The following LINS1 variants were observed in gnomAD, a reference collection of about 807,000 sequenced individuals.
LINS1 encodes the protein protein Lines homolog 1.
A neutral mutation model predicts 41.6 loss-of-function variants in LINS1; 27 were observed. The observed-to-expected ratio is 0.65, with a 90% CI of 0.48 to 0.89. The LOEUF (loss-of-function observed/expected upper bound fraction) is 0.89, where lower values mean the gene tolerates loss of function less well. Among genes scored for constraint, LINS1 ranks in the 40% least tolerant of loss-of-function variants. The pLI, the probability that LINS1 is intolerant of heterozygous loss-of-function variation, is 0.00. For missense variants in LINS1, 955 were observed against 884.1 expected (o/e 1.08, Z -1.02); for synonymous variants, 336 against 312.9 (o/e 1.07, Z -0.78).
intron 1 of LINS1, among the ~76,000 whole-genome samples, chr15:100,593,495 C>T (rs1005468054): frequency 6.9e-6 from 1 of 144,536 alleles, no homozygotes; most frequent in Non-Finnish European, 1.5e-5. Flanking sequence ...GAATACGAAT[C>T]GTTAAACTTT....
At chr15:100,596,662 G>A (rs1193515449) in intron 1 of LINS1, among the ~76,000 whole-genome samples, 3 of 152,124 alleles carry the variant, frequency 2.0e-5, no homozygotes, top group East Asian at 1.9e-4. Flanking sequence ...AACAAAAAGC[G>A]GCCTGAAAAA....
Position 100,580,458 on chromosome 15 carries a change from C to G in LINS1, c.385G>C (p.Val129Leu). Residue 129 changes from valine to leucine, a missense_variant, in exon 2 of 7, where the codon GTC becomes CTC. Physicochemically the swap from Val to Leu is conservative, Grantham distance 32 (BLOSUM62 1). Transcript: ENST00000314742. Reference sequence around the variant, plus strand: ...AAATGGCTTACTAATTTAGAATCGACTTTGGCTGATTCTAAGAGAATTTTA... The same window carrying G: ...AAATGGCTTACTAATTTAGAATCGAGTTTGGCTGATTCTAAGAGAATTTTA... The part of the protein sequence containing the change: ...VIKILLESAK[V>L]DSKLICMFQN... 1 of 1,613,942 alleles carries G rather than the reference C, an allele frequency of 6.2e-7. No homozygotes were observed. The highest frequency in any genetic ancestry group is 8.5e-7 in the Non-Finnish European group (1 of 1,179,906).
intron 1 of LINS1, among the ~76,000 whole-genome samples, chr15:100,599,490 C>T (rs1006877701): frequency 1.8e-4 from 28 of 152,256 alleles, no homozygotes; most frequent in African/African-American, 6.3e-4. Flanking sequence ...GCCAGAAATA[C>T]AAAGAACTAG....
chr15:100,575,176 T>C, intron 3 of LINS1, 48 bp from the exon 4 acceptor site: 1 of 1,504,026 alleles, frequency 6.6e-7, no homozygotes, highest in Non-Finnish European at 9.2e-7. Context: ...ATATTTTCTT[T>C]ACATAATACA....
chr15:100,590,349 A>G (rs1199738732), intron 1 of LINS1, among the ~76,000 whole-genome samples: 1 of 152,248 alleles, frequency 6.6e-6, no homozygotes, highest in Non-Finnish European at 1.5e-5. Flanking sequence ...TAAAAGATGA[A>G]GGTCCAATGC....
At position 100,569,963 on chromosome 15, in the gene LINS1, C is replaced by G; in HGVS notation, c.1549G>C (p.Glu517Gln). Residue 517 changes from glutamate to glutamine, a missense_variant, in exon 7 of 7, where the codon GAA becomes CAA. Transcript: ENST00000314742. ...ACAAAATATTCAAGAAAACAGGTTT[C>G]TGATGAAATCAAAAAGTCAAGAAGA... The part of the protein sequence containing the change: ...TVLLDFLISS[E>Q]TCFLEYFVRY... 1 of 1,577,378 alleles carries G rather than the reference C, an allele frequency of 6.3e-7. No individual in the cohort carries two copies. The highest frequency in any genetic ancestry group is 1.2e-5 in the South Asian group (1 of 85,382).
chr15:100,595,504 A>G (rs2039206346), intron 1 of LINS1, among the ~76,000 whole-genome samples: 1 of 152,210 alleles, frequency 6.6e-6, no homozygotes. Flanking sequence ...AGAGCTAAAA[A>G]TGACTCCAAA....
intron 6 of LINS1, chr15:100,570,372 T>C (rs1450536678): frequency 8.1e-6 from 3 of 368,726 alleles, no homozygotes; most frequent in African/African-American, 2.1e-5. Context: ...TGTTGTTCTT[T>C]CTCTCGACAT....
rs554830135 is a variant in LINS1 at position 100,588,478 on chromosome 15, C to T, written c.-103-7533G>A. Among the ~76,000 whole-genome samples, 624 of 152,242 alleles carry T rather than the reference C, an allele frequency of 4.1e-3. 6 individuals carry two copies. The highest frequency in any genetic ancestry group is 0.014 in the African/African-American group (574 of 41,540). ...AAAGTGTAATGCCTTTCATTTAGTT[C>T]ATGTGACTTAAGTAATCTGAGAAAT... On this transcript the variant is annotated intron_variant, in intron 1 of 6. Coordinates refer to ENST00000314742, the MANE Select transcript of LINS1 (RefSeq NM_001040616.3).
intron 1 of LINS1, among the ~76,000 whole-genome samples, chr15:100,584,850 G>A (rs2038729707): frequency 6.6e-6 from 1 of 152,196 alleles, no homozygotes; most frequent in African/African-American, 2.4e-5. Flanking sequence ...CTGATCAACT[G>A]GCTCTAAATT....
intron 1 of LINS1, among the ~76,000 whole-genome samples, chr15:100,590,947 G>T (rs897778237): frequency 1.3e-5 from 2 of 152,188 alleles, no homozygotes; most frequent in Non-Finnish European, 2.9e-5. Flanking sequence ...GGGAGGCCGA[G>T]GCGGGCAGAT....
At chr15:100,590,426 C>T (rs1252819669) in intron 1 of LINS1, among the ~76,000 whole-genome samples, 6 of 152,032 alleles carry the variant, frequency 3.9e-5, no homozygotes, top group Non-Finnish European at 8.8e-5. Context: ...TTGGTTCACT[C>T]CTCTTAACCC....
intron 1 of LINS1, among the ~76,000 whole-genome samples, chr15:100,587,389 GGAAACT>G (rs1395387840): frequency 2.0e-5 from 3 of 151,984 alleles, no homozygotes; most frequent in African/African-American, 7.3e-5. Context: ...GTGAACTTAA[GGAAACT>G]GAATTGTGTA....
intron 4 of LINS1, among the ~76,000 whole-genome samples, chr15:100,574,506 G>C (rs1001839020): frequency 4.6e-5 from 7 of 152,170 alleles, no homozygotes; most frequent in African/African-American, 1.7e-4. Context: ...TCAGGAGTTT[G>C]AGACCAGCCT....
intron 1 of LINS1, among the ~76,000 whole-genome samples, chr15:100,582,738 T>C (rs1441014218): frequency 6.8e-6 from 1 of 147,340 alleles, no homozygotes; most frequent in East Asian, 2.1e-4. Flanking sequence ...TTATACTGGG[T>C]CTTCCATCTA....
At chr15:100,596,087 G>A (rs1429675175) in intron 1 of LINS1, among the ~76,000 whole-genome samples, 4 of 152,170 alleles carry the variant, frequency 2.6e-5, no homozygotes, top group Non-Finnish European at 5.9e-5. Context: ...CAGGAGATTT[G>A]GAGTGGGAGG....
At chr15:100,572,186 A>C in intron 5 of LINS1, 121 bp from the exon 6 acceptor site, 2 of 1,520,424 alleles carry the variant, frequency 1.3e-6, no homozygotes, top group Non-Finnish European at 1.8e-6. Flanking sequence ...ATTCACTTTC[A>C]AAAAGTCATC....
At chr15:100,589,115 A>G (rs1036762130) in intron 1 of LINS1, among the ~76,000 whole-genome samples, 3 of 152,230 alleles carry the variant, frequency 2.0e-5, no homozygotes, top group African/African-American at 4.8e-5. Flanking sequence ...ACCAAAAGTA[A>G]AAGTTGCTAA....
At chr15:100,575,298 C>T (rs1170620960) in intron 3 of LINS1, among the ~76,000 whole-genome samples, 170 bp from the exon 4 acceptor site, 2 of 150,458 alleles carry the variant, frequency 1.3e-5, no homozygotes, top group Non-Finnish European at 3.0e-5. Context: ...ATCGAATATG[C>T]CACAGAAATA....
Sources: allele counts gnomAD v4.1 joint callset (sites outside exome capture counted in the v4.1 genomes callset), GRCh38; gene constraint gnomAD v4.1.1; transcripts MANE v1.5; gene names NCBI Gene and HGNC (gene_info 2026-07-23, HGNC 2026-07-21).